KHDRBS2: variants seen among roughly 807,000 people sequenced by gnomAD.
KHDRBS2 encodes KH RNA binding domain containing, signal transduction associated 2.
Under a neutral mutation model 44.3 loss-of-function variants are expected in KHDRBS2, and 26 were observed. The ratio of observed to expected loss-of-function variants is 0.59; its 90% CI spans 0.43 to 0.81. The LOEUF is 0.81. Ranked by LOEUF, KHDRBS2 falls within the 40% of genes least tolerant of loss-of-function variation. The pLI is 0.00. For missense variants in KHDRBS2, 476 were observed against 433.1 expected, an observed-to-expected ratio of 1.10 and a Z score of -0.88; for synonymous variants, 194 against 151.1, an observed-to-expected ratio of 1.28 and a Z score of -2.08.
the KHDRBS2 span, among the ~76,000 whole-genome samples, chr6:61,624,488 T>C: frequency 1.3e-5 from 2 of 152,186 alleles, no homozygotes; most frequent in Admixed American, 1.3e-4. Flanking sequence ...TACTTATGGC[T>C]TTGAGTTTTC....
chr6:61,944,136 C>G (rs1812731387), intron 4 of KHDRBS2, among the ~76,000 whole-genome samples: 2 of 152,054 alleles, frequency 1.3e-5, no homozygotes, highest in Admixed American at 6.6e-5. Context: ...TTAGAACTAC[C>G]ATACAATCAA....
At chr6:62,143,961 C>A (rs1471361779) in intron 2 of KHDRBS2, among the ~76,000 whole-genome samples, 1 of 151,826 alleles carries the variant, frequency 6.6e-6, no homozygotes, top group East Asian at 1.9e-4. Flanking sequence ...AACAGCCATC[C>A]TTTGCCAGTT....
At chr6:62,198,807 T>C (rs1397503520) in intron 1 of KHDRBS2, among the ~76,000 whole-genome samples, 1 of 152,044 alleles carries the variant, frequency 6.6e-6, no homozygotes, top group Non-Finnish European at 1.5e-5. Flanking sequence ...TAGACCAATA[T>C]CCCTGATGAA....
chr6:61,831,403 C>A (rs1373141328), intron 6 of KHDRBS2, among the ~76,000 whole-genome samples: 1 of 151,794 alleles, frequency 6.6e-6, no homozygotes, highest in Non-Finnish European at 1.5e-5. Flanking sequence ...TTATAATGTA[C>A]CCTTACTTTT....
intron 6 of KHDRBS2, among the ~76,000 whole-genome samples, chr6:61,833,483 A>G (rs1346786921): frequency 6.6e-6 from 1 of 152,138 alleles, no homozygotes; most frequent in Non-Finnish European, 1.5e-5. Flanking sequence ...AGCTTCTATC[A>G]TATATTCCCA....
intron 4 of KHDRBS2, among the ~76,000 whole-genome samples, chr6:61,975,249 T>G (rs1440174156): frequency 6.6e-6 from 1 of 152,114 alleles, no homozygotes; most frequent in East Asian, 1.9e-4. Flanking sequence ...CATGGAAAAT[T>G]AATCCCTTTC....
chr6:61,728,182 C>A (rs1773881450), intron 7 of KHDRBS2, among the ~76,000 whole-genome samples: 3 of 151,912 alleles, frequency 2.0e-5, no homozygotes, highest in Admixed American at 2.0e-4. Flanking sequence ...CAAACTAATG[C>A]AGGAAGAGAA....
At position 61,983,200 on chromosome 6, in the gene KHDRBS2, T is replaced by TTTTCTTTCTTTTCTTTCTTTCC. The variant is rs553232983; in HGVS notation, c.337-4989_337-4988insGGAAAGAAAGAAAAGAAAGAAA. Reference sequence around the variant, plus strand: ...TTTTGAGTAATTAAAGTTTTTTTCATTTTCTTTCTTTCTTTCTTTCTTTCT... The same window carrying TTTTCTTTCTTTTCTTTCTTTCC: ...TTTTGAGTAATTAAAGTTTTTTTCATTTTCTTTCTTTTCTTTCTTTCCTTTCTTTCTTTCTTTCTTTCTTTCT... On this transcript the variant is annotated intron_variant, in intron 3 of 8. Transcript: ENST00000281156. 4.1e-4 allele frequency among the ~76,000 whole-genome samples: 19 copies of TTTTCTTTCTTTTCTTTCTTTCC among 46,030 alleles called. 1 individual carries two copies. The highest frequency in any genetic ancestry group is 1.6e-3 in the African/African-American group (17 of 10,628). The allele number at this position is 46,030 out of a possible 152,430, so 30.2% of individuals were successfully genotyped here. A position where few individuals can be genotyped will look rare whatever the true frequency, so the allele number is the denominator to read the frequency against.
intron 8 of KHDRBS2, among the ~76,000 whole-genome samples, chr6:61,683,710 G>A (rs149682155): frequency 2.0e-5 from 3 of 151,912 alleles, no homozygotes; most frequent in Admixed American, 6.6e-5. Context: ...ATCGTAGTGC[G>A]ATCTCATTAT....
At chr6:61,674,146 C>G in the KHDRBS2 span, among the ~76,000 whole-genome samples, 14 of 151,718 alleles carry the variant, frequency 9.2e-5, no homozygotes, top group Non-Finnish European at 1.9e-4. Flanking sequence ...TGTAGTCATG[C>G]TTTGTGGCAA....
intron 2 of KHDRBS2, among the ~76,000 whole-genome samples, chr6:62,091,220 A>G (rs1404790473): frequency 6.6e-6 from 1 of 152,318 alleles, no homozygotes; most frequent in African/African-American, 2.4e-5. Context: ...TTAGGGCTAG[A>G]AAGAAGCCCA....
the KHDRBS2 span, among the ~76,000 whole-genome samples, chr6:61,620,747 T>C: frequency 6.6e-6 from 1 of 152,178 alleles, no homozygotes; most frequent in Non-Finnish European, 1.5e-5. Flanking sequence ...TCCCAGCTGA[T>C]AGCTGAAATC....
the KHDRBS2 span, among the ~76,000 whole-genome samples, chr6:61,576,087 CCCCAA>C: frequency 1.0e-5 from 1 of 96,858 alleles, no homozygotes; most frequent in South Asian, 2.6e-4. Flanking sequence ...CCACTTGTTC[CCCCAA>C]AACAAAACAA....
chr6:61,888,078 T>C (rs904236643), intron 6 of KHDRBS2, among the ~76,000 whole-genome samples: 1 of 152,242 alleles, frequency 6.6e-6, no homozygotes, highest in Non-Finnish European at 1.5e-5. Flanking sequence ...TAGTATGTTC[T>C]CCTAGATACG....
At chr6:61,583,852 A>G in the KHDRBS2 span, among the ~76,000 whole-genome samples, 4 of 151,490 alleles carry the variant, frequency 2.6e-5, no homozygotes, top group Non-Finnish European at 4.4e-5. Flanking sequence ...AACACAGTGT[A>G]TCTCTCATTT....
Position 62,056,213 on chromosome 6 carries a change from T to A in KHDRBS2, c.220-8219A>T, listed in dbSNP as rs149507669. Among the ~76,000 whole-genome samples, 296 of 152,104 alleles carry A rather than the reference T, an allele frequency of 1.9e-3. 3 individuals carry two copies. Among genetic ancestry groups the A allele is most frequent in the African/African-American group, 6.9e-3 (285 of 41,544 alleles). On this transcript the variant is annotated intron_variant, in intron 2 of 8. Transcript: ENST00000281156. ...AATGAATAAATAAATTGTGACATAT[T>A]ACTATGAAATATTACAGATCAGTAA... is the stretch of plus-strand genomic sequence containing the variant.
At chr6:61,755,757 G>T (rs573060626) in intron 6 of KHDRBS2, among the ~76,000 whole-genome samples, 7 of 147,592 alleles carry the variant, frequency 4.7e-5, no homozygotes, top group African/African-American at 1.0e-4. Flanking sequence ...CCGAGATAAG[G>T]CCATTGCACT....
At chr6:61,634,392 G>T in the KHDRBS2 span, among the ~76,000 whole-genome samples, 2 of 151,982 alleles carry the variant, frequency 1.3e-5, no homozygotes, top group African/African-American at 4.8e-5. Flanking sequence ...TAATGAACAT[G>T]CTCACAACTC....
intron 6 of KHDRBS2, among the ~76,000 whole-genome samples, chr6:61,735,130 C>A (rs1325184005): frequency 1.6e-5 from 2 of 128,250 alleles, no homozygotes; most frequent in Admixed American, 1.5e-4. Context: ...CTCACTGTAG[C>A]TTTTGTTTTC....
Sources: gnomAD v4.1 joint callset for allele counts (sites outside exome capture counted in the v4.1 genomes callset) on GRCh38, gnomAD v4.1.1 for gene constraint, MANE v1.5 for transcripts, NCBI Gene and HGNC (gene_info 2026-07-23, HGNC 2026-07-21) for gene names.